Variants in IGDCC3 observed in about 807,000 individuals in gnomAD.
IGDCC3 encodes putative neuronal cell adhesion molecule.
A neutral mutation model predicts 72.0 loss-of-function variants in IGDCC3; 47 were observed. The ratio of observed to expected loss-of-function variants is 0.65; its 90% confidence interval spans 0.52 to 0.83. The LOEUF is 0.83. IGDCC3 is among the 40% of genes least tolerant of loss of function. IGDCC3 has a pLI of 0.00. For missense variants in IGDCC3, 1,038 were observed against 1,091.3 expected, an observed-to-expected ratio of 0.95 and a Z score of 0.69; for synonymous variants, 477 against 472.8, an observed-to-expected ratio of 1.01 and a Z score of -0.11.
At chr15:65,351,969 T>C (rs1164557328) in intron 2 of IGDCC3, among the ~76,000 whole-genome samples, 1 of 152,200 alleles carries the variant, frequency 6.6e-6, no homozygotes, top group African/African-American at 2.4e-5. Context: ...TAATCAACTA[T>C]AAAACTCTAG....
chr15:65,333,604 G>A (rs1261840824), intron 5 of IGDCC3, among the ~76,000 whole-genome samples, 189 bp from the exon 6 acceptor site: 2 of 152,138 alleles, frequency 1.3e-5, no homozygotes, highest in African/African-American at 4.8e-5. Flanking sequence ...GAACCCTCGC[G>A]CCTAGCAGCG....
intron 2 of IGDCC3, among the ~76,000 whole-genome samples, chr15:65,352,711 T>A (rs2091182270): frequency 6.6e-6 from 1 of 152,228 alleles, no homozygotes; most frequent in African/African-American, 2.4e-5. Flanking sequence ...AAAGCCAATT[T>A]TAAAAGATCC....
At chr15:65,358,119 T>C (rs2140162258) in intron 2 of IGDCC3, among the ~76,000 whole-genome samples, 1 of 151,976 alleles carries the variant, frequency 6.6e-6, no homozygotes, top group East Asian at 1.9e-4. Context: ...TTTTTTTTTT[T>C]TTCTGAGACA....
rs1377591090 is a variant in IGDCC3 at position 65,329,091 on chromosome 15, G to C, written c.2263C>G (p.Gln755Glu). 6.2e-7 allele frequency: 1 copy of C among 1,611,236 alleles called. No individual in the cohort carries two copies. The highest frequency in any genetic ancestry group is 8.5e-7 in the Non-Finnish European group (1 of 1,179,094). Reference protein sequence around the residue: ...EETQLSVLPLQGCGLMEGKTT... With the variant: ...EETQLSVLPLEGCGLMEGKTT... ...TTCCCCTCCATCAGGCCGCACCCCT[G>C]AAGTGGCAGCACGGAGAGCTGGGTC... The change falls in exon 14 of 14, where the codon CAG becomes GAG. Residue 755 changes from glutamine to glutamate, a missense_variant. Transcript: ENST00000327987. This position sits in a 1 kb window ranked among gnomAD's most constrained non-coding sequence, Gnocchi z 4.1.
chr15:65,337,419 G>A (rs1173149055), intron 2 of IGDCC3, among the ~76,000 whole-genome samples: 6 of 152,126 alleles, frequency 3.9e-5, no homozygotes, highest in East Asian at 1.9e-4. Context: ...CTGCTGCGGC[G>A]GGTGTGTACC....
At chr15:65,357,972 G>A (rs889654402) in intron 2 of IGDCC3, among the ~76,000 whole-genome samples, 12 of 152,088 alleles carry the variant, frequency 7.9e-5, no homozygotes, top group African/African-American at 2.4e-4. Flanking sequence ...TAGGATGCCT[G>A]GAACCCCACT....
In IGDCC3 at chr15:65,329,658, A is replaced by C; in HGVS notation, c.1998-61T>G. 6.2e-7 allele frequency: 1 copy of C among 1,611,028 alleles called. No individual in the cohort carries two copies. The highest frequency in any genetic ancestry group is 2.2e-5 in the East Asian group (1 of 44,876). On this transcript the variant is annotated intron_variant, in intron 12 of 13. Coordinates refer to ENST00000327987, the MANE Select transcript of IGDCC3 (RefSeq NM_004884.4). The surrounding 1 kb of genome is among the most constrained non-coding windows in gnomAD (Gnocchi z 4.1). ...GAAAAGAGACAGAGGCAGTGAGCCC[A>C]CACTCACCTTCTCTAGGCCTAGTCC... is the stretch of plus-strand genomic sequence containing the variant.
Position 65,377,951 on chromosome 15 carries a change from GCGCAGGGGGAGCGC to G in IGDCC3, c.-177_-164del. 1 of 587,542 alleles carries G rather than the reference GCGCAGGGGGAGCGC, an allele frequency of 1.7e-6. No individual in the cohort carries two copies. The highest frequency in any genetic ancestry group is 2.2e-6 in the Non-Finnish European group (1 of 461,690). The allele number at this position is 587,542 out of a possible 1,614,324, so 36.4% of individuals were successfully genotyped here. On this transcript the variant is annotated 5_prime_UTR_variant, in exon 1 of 14. The change abolishes the stop of an existing upstream ORF in the 5' untranslated region. Coordinates refer to ENST00000327987, the MANE Select transcript of IGDCC3 (RefSeq NM_004884.4). The surrounding 1 kb of genome is among the most constrained non-coding windows in gnomAD (Gnocchi z 4.9). ...GCATGCCTGCTCAGCAGCGCGGGGG[GCGCAGGGGGAGCGC>G]CGCTTGCGCCATCTTGCACCCACCC...
In IGDCC3 at chr15:65,330,749, T is replaced by C; in HGVS notation, c.1562-8A>G. 2 of 1,593,208 alleles carry C rather than the reference T, an allele frequency of 1.3e-6. No homozygotes were observed. Among genetic ancestry groups the C allele is most frequent in the African/African-American group, 1.3e-5 (1 of 74,622 alleles). ...GTGGGGGTGGGGCAGGGGCTGCAGG[T>C]AGAGAAGGAGGCCACGATGTGAGGA... On this transcript the variant is annotated splice_polypyrimidine_tract_variant and splice_region_variant and intron_variant, in intron 9 of 13. Coordinates refer to ENST00000327987, the MANE Select transcript of IGDCC3 (RefSeq NM_004884.4).
intron 2 of IGDCC3, among the ~76,000 whole-genome samples, chr15:65,350,337 G>A (rs1294091039): frequency 6.6e-6 from 1 of 151,682 alleles, no homozygotes; most frequent in Admixed American, 6.6e-5. Flanking sequence ...CACCATATTG[G>A]CCAGGCTGGT....
intron 2 of IGDCC3, among the ~76,000 whole-genome samples, chr15:65,364,108 C>T (rs1446723869): frequency 2.6e-5 from 4 of 152,218 alleles, no homozygotes; most frequent in Admixed American, 6.5e-5. Context: ...CCTACTCTCA[C>T]ATTACATGCC....
At chr15:65,361,918 G>C (rs1261466869) in intron 2 of IGDCC3, among the ~76,000 whole-genome samples, 2 of 152,196 alleles carry the variant, frequency 1.3e-5, no homozygotes, top group Non-Finnish European at 2.9e-5. Context: ...GCCCAGGGCA[G>C]AGCCAGACGT....
At chr15:65,355,735 C>T (rs1332743445) in intron 2 of IGDCC3, 7 of 452,912 alleles carry the variant, frequency 1.5e-5, no homozygotes, top group Non-Finnish European at 3.1e-5. Context: ...CGCACCACCG[C>T]GGGTGAATGA....
chr15:65,359,620 T>A (rs1226126202), intron 2 of IGDCC3, among the ~76,000 whole-genome samples: 4 of 152,152 alleles, frequency 2.6e-5, no homozygotes, highest in Admixed American at 1.3e-4. Flanking sequence ...CTCTCCCAAG[T>A]GGCCAATGGT....
chr15:65,334,237 CTCTT>C lies in IGDCC3; in HGVS notation c.823+487_823+490del, dbSNP rs146494061. Among the ~76,000 whole-genome samples the C allele has an allele frequency of 5.0e-3, 754 of 152,220 alleles. 5 individuals carry two copies. Among genetic ancestry groups the C allele is most frequent in the African/African-American group, 0.017 (692 of 41,526 alleles). On this transcript the variant is annotated intron_variant, in intron 5 of 13. Coordinates refer to ENST00000327987, the MANE Select transcript of IGDCC3 (RefSeq NM_004884.4). ...GGCCCATCTGCACCCTTTCATTTCT[CTCTT>C]TCAGCTGCCTGGGGATTTAGGCTGG... is the stretch of plus-strand genomic sequence containing the variant.
intron 4 of IGDCC3, 118 bp downstream of exon 4, chr15:65,335,173 C>T (rs1465742279): frequency 8.7e-6 from 10 of 1,154,508 alleles, no homozygotes; most frequent in Non-Finnish European, 6.1e-6. Context: ...GAGCCCGGCA[C>T]TCTGCACGCA....
intron 4 of IGDCC3, 60 bp from the exon 5 acceptor site, chr15:65,334,925 C>G (rs2091013700): frequency 6.4e-7 from 1 of 1,552,490 alleles, no homozygotes; most frequent in Admixed American, 1.9e-5. Flanking sequence ...TTCCTCACCC[C>G]ACCCACAGCC....
At chr15:65,335,732 G>T in intron 3 of IGDCC3, 80 bp downstream of exon 3, 1 of 1,538,090 alleles carries the variant, frequency 6.5e-7, no homozygotes, top group South Asian at 1.1e-5. Context: ...AGCTCCCAGA[G>T]CCGCGGGCCA....
At chr15:65,333,188 G>A (rs1490148533) in intron 6 of IGDCC3, 69 bp downstream of exon 6, 15 of 1,442,180 alleles carry the variant, frequency 1.0e-5, no homozygotes, top group Non-Finnish European at 1.4e-5. Flanking sequence ...CCTGGGGTTG[G>A]GCCTGGGCTG....
Sources: allele counts gnomAD v4.1 joint callset (sites outside exome capture counted in the v4.1 genomes callset), GRCh38; gene constraint gnomAD v4.1.1; non-coding constraint Gnocchi (gnomAD v3.1); transcripts MANE v1.5; gene names NCBI Gene and HGNC (gene_info 2026-07-23, HGNC 2026-07-21).